Variants in NAALADL2 observed in about 807,000 individuals in gnomAD.
The protein encoded by NAALADL2 is N-acetylated alpha-linked acidic dipeptidase like 2, also known as inactive N-acetylated-alpha-linked acidic dipeptidase-like protein 2.
A neutral mutation model predicts 87.2 loss-of-function variants in NAALADL2; 76 were observed. The observed-to-expected ratio is 0.87, with a 90% confidence interval of 0.72 to 1.05. The LOEUF is 1.05. NAALADL2 is among the 50% of genes least tolerant of loss of function. NAALADL2 has a pLI of 0.00. For missense variants in NAALADL2, 1,089 were observed against 945.8 expected (o/e 1.15, Z -1.99); for synonymous variants, 354 against 331.0 (o/e 1.07, Z -0.75).
intron 4 of NAALADL2, among the ~76,000 whole-genome samples, chr3:175,297,422 T>C (rs1385036623): frequency 6.6e-6 from 1 of 152,188 alleles, no homozygotes; most frequent in Non-Finnish European, 1.5e-5. Flanking sequence ...CTGCCAAAAA[T>C]GTCCTCATCT....
At chr3:175,221,010 A>G (rs1393888613) in intron 2 of NAALADL2, among the ~76,000 whole-genome samples, 1 of 152,004 alleles carries the variant, frequency 6.6e-6, no homozygotes, top group Non-Finnish European at 1.5e-5. Context: ...TAGCCTGGCC[A>G]ACATGGTAAA....
In NAALADL2 at chr3:174,681,544, C is replaced by T. The variant is rs141859473; in HGVS notation, c.-114-56097C>T. Among the ~76,000 whole-genome samples, 796 of 152,270 alleles carry T rather than the reference C, an allele frequency of 5.2e-3. 7 individuals are homozygous for T. The highest frequency in any genetic ancestry group is 0.018 in the African/African-American group (752 of 41,562). On this transcript the variant is annotated intron_variant, in intron 2 of 3. Transcript: ENST00000434257. Reference sequence around the variant, plus strand: ...ACTCCAATCAGAAACCTGATACCCCCATTCCAGGCTGTAGATCCTGGACAT... The same window carrying T: ...ACTCCAATCAGAAACCTGATACCCCTATTCCAGGCTGTAGATCCTGGACAT...
At chr3:175,003,473 G>A (rs560646251) in intron 1 of NAALADL2, among the ~76,000 whole-genome samples, 22 of 152,326 alleles carry the variant, frequency 1.4e-4, no homozygotes, top group African/African-American at 5.3e-4. Context: ...CATGAAGAAT[G>A]TTATGTATGA....
intron 2 of NAALADL2, among the ~76,000 whole-genome samples, chr3:174,582,127 A>G (rs1716227264): frequency 6.6e-6 from 1 of 152,198 alleles, no homozygotes; most frequent in Admixed American, 6.5e-5. Flanking sequence ...AATCTAGACT[A>G]ATGAGTTGTA....
chr3:175,410,884 A>G (rs1713385770), intron 5 of NAALADL2, among the ~76,000 whole-genome samples: 2 of 152,180 alleles, frequency 1.3e-5, no homozygotes, highest in South Asian at 4.1e-4. Context: ...TTTTGCAAAG[A>G]GTAAAGGAGA....
At chr3:175,146,150 T>A (rs2108754736) in intron 2 of NAALADL2, among the ~76,000 whole-genome samples, 1 of 152,218 alleles carries the variant, frequency 6.6e-6, no homozygotes, top group Non-Finnish European at 1.5e-5. Context: ...TTATTGTAAA[T>A]TTTCTTGAAT....
chr3:175,698,504 A>ATATAT lies in NAALADL2; in HGVS notation c.1897-38802_1897-38801insTATAT, dbSNP rs1278192087. Among the ~76,000 whole-genome samples, 13 of 86,996 alleles carry ATATAT rather than the reference A, an allele frequency of 1.5e-4. 1 individual carries two copies. The highest frequency in any genetic ancestry group is 3.1e-4 in the Admixed American group (3 of 9,652). The allele number at this position is 86,996 out of a possible 152,430, so 57.1% of individuals were successfully genotyped here. ...ATATTTATATATATATATATATATA[A>ATATAT]AATCTCCAAGCAAATTCCTATGTAC... On this transcript the variant is annotated intron_variant, in intron 11 of 13. Coordinates refer to ENST00000454872, the MANE Select transcript of NAALADL2 (RefSeq NM_207015.3).
intron 2 of NAALADL2, among the ~76,000 whole-genome samples, chr3:175,161,236 T>C (rs992418007): frequency 1.3e-5 from 2 of 152,102 alleles, no homozygotes; most frequent in Admixed American, 1.3e-4. Flanking sequence ...AAGCCAACTT[T>C]TGCTAACTTA....
At chr3:175,787,389 G>T (rs554194998) in intron 13 of NAALADL2, among the ~76,000 whole-genome samples, 8 of 152,298 alleles carry the variant, frequency 5.3e-5, no homozygotes, top group African/African-American at 1.9e-4. Flanking sequence ...GACCCTCCGA[G>T]CCAGGTGCGG....
chr3:174,779,111 C>A (rs1010195673), intron 3 of NAALADL2, among the ~76,000 whole-genome samples: 2 of 152,178 alleles, frequency 1.3e-5, no homozygotes, highest in Non-Finnish European at 2.9e-5. Flanking sequence ...TAAAAGTGTT[C>A]CTATTTTTCC....
intron 11 of NAALADL2, among the ~76,000 whole-genome samples, chr3:175,724,928 A>G (rs1256476930): frequency 6.6e-6 from 1 of 152,036 alleles, no homozygotes; most frequent in Non-Finnish European, 1.5e-5. Context: ...ATTAATTTAT[A>G]TCAAAATAAT....
intron 2 of NAALADL2, among the ~76,000 whole-genome samples, chr3:175,216,871 G>T (rs1742634181): frequency 6.6e-6 from 1 of 151,992 alleles, no homozygotes; most frequent in Non-Finnish European, 1.5e-5. Flanking sequence ...GTTAAACCAT[G>T]TTGGCCAGGC....
At chr3:174,914,165 T>C (rs1461168072) in intron 1 of NAALADL2, among the ~76,000 whole-genome samples, 2 of 151,544 alleles carry the variant, frequency 1.3e-5, no homozygotes, top group Non-Finnish European at 2.9e-5. Context: ...AGTGTTCAAG[T>C]GATTCTCCTG....
chr3:175,013,301 A>ATATATATTTTTT (rs1553916905), intron 1 of NAALADL2, among the ~76,000 whole-genome samples: 23 of 72,052 alleles, frequency 3.2e-4, no homozygotes, highest in African/African-American at 9.9e-4. Flanking sequence ...ATATATATAT[A>ATATATATTTTTT]TTTTTTTTTT....
At chr3:175,792,346 ATT>A (rs1408829868) in intron 13 of NAALADL2, among the ~76,000 whole-genome samples, 2 of 152,172 alleles carry the variant, frequency 1.3e-5, no homozygotes, top group Non-Finnish European at 2.9e-5. Context: ...ACATTAAATC[ATT>A]CTTTCATTAA....
intron 1 of NAALADL2, among the ~76,000 whole-genome samples, chr3:175,091,380 T>C (rs1720093540): frequency 6.6e-6 from 1 of 152,072 alleles, no homozygotes; most frequent in Admixed American, 6.6e-5. Flanking sequence ...GGAAACACTA[T>C]ATGAATATTT....
intron 3 of NAALADL2, among the ~76,000 whole-genome samples, chr3:174,749,548 C>A (rs1289895291): frequency 6.6e-6 from 1 of 151,344 alleles, no homozygotes; most frequent in Non-Finnish European, 1.5e-5. Context: ...ATGACATATC[C>A]ATTTGAAGCT....
chr3:175,668,353 T>A (rs1458882566), intron 11 of NAALADL2, among the ~76,000 whole-genome samples: 13 of 152,288 alleles, frequency 8.5e-5, no homozygotes, highest in African/African-American at 3.1e-4. Context: ...AGCTATTGTT[T>A]ATTATGATAA....
chr3:174,818,479 T>C (rs182859372), intron 3 of NAALADL2, among the ~76,000 whole-genome samples: 4 of 152,286 alleles, frequency 2.6e-5, no homozygotes, highest in Non-Finnish European at 5.9e-5. Flanking sequence ...TCTGTAAGTA[T>C]TACATTGTAT....
Sources: gnomAD v4.1 joint callset for allele counts (sites outside exome capture counted in the v4.1 genomes callset) on GRCh38, gnomAD v4.1.1 for gene constraint, MANE v1.5 for transcripts, NCBI Gene and HGNC (gene_info 2026-07-23, HGNC 2026-07-21) for gene names.